LSG1: variants seen among roughly 807,000 people sequenced by gnomAD.
LSG1 encodes large subunit GTPase 1 homolog.
Under a neutral mutation model 82.6 loss-of-function variants are expected in LSG1, and 55 were observed. The observed-to-expected ratio is 0.67, with a 90% CI of 0.54 to 0.83. The LOEUF (loss-of-function observed/expected upper bound fraction) is 0.83, where lower values mean the gene tolerates loss of function less well. LSG1 is among the 40% of genes least tolerant of loss of function. The probability of loss-of-function intolerance (pLI) is 0.00; values close to 1 mark genes in which losing one functional copy is unlikely to be tolerated. For synonymous variants in LSG1, 272 were observed against 282.5 expected, an observed-to-expected ratio of 0.96 and a Z score of 0.37; for missense variants, 809 against 807.9, an observed-to-expected ratio of 1.00 and a Z score of -0.02.
chr3:194,671,984 C>G (rs998232539), intron 1 of LSG1, 80 bp downstream of exon 1: 3 of 1,360,574 alleles, frequency 2.2e-6, no homozygotes, highest in Non-Finnish European at 3.1e-6. Context: ...TCCTGCAAAA[C>G]TTATCTGACT....
rs1388888265 is a variant in LSG1 at position 194,644,380 on chromosome 3, A to T, written c.1797+193T>A. Among the ~76,000 whole-genome samples the T allele has an allele frequency of 3.8e-4, 42 of 109,112 alleles. 1 individual carries two copies. Among genetic ancestry groups the T allele is most frequent in the African/African-American group, 1.5e-3 (40 of 26,044 alleles). The allele number at this position is 109,112 out of a possible 152,430, so 71.6% of individuals were successfully genotyped here. ...CGAGACTCCGTCTCAAAAAAAAAAAATAAAAATAAATAAATAAATAAATAA... is the reference window on the plus strand; with the variant it reads ...CGAGACTCCGTCTCAAAAAAAAAAATTAAAAATAAATAAATAAATAAATAA... On this transcript the variant is annotated intron_variant, in intron 13 of 13. Coordinates refer to ENST00000265245, the MANE Select transcript of LSG1 (RefSeq NM_018385.3).
chr3:194,643,100 C>G (rs146554093), intron 13 of LSG1, among the ~76,000 whole-genome samples: 2 of 152,338 alleles, frequency 1.3e-5, no homozygotes, highest in African/African-American at 4.8e-5. Context: ...CTATAGTAGT[C>G]ACTTAAAAAC....
intron 7 of LSG1, among the ~76,000 whole-genome samples, chr3:194,657,701 G>T (rs542366963): frequency 6.6e-6 from 1 of 152,260 alleles, no homozygotes. Flanking sequence ...CACCCAGGAT[G>T]GGTGTCCCGG....
Position 194,665,657 on chromosome 3 carries a change from G to A in LSG1, c.435-14C>T, listed in dbSNP as rs1719017027. On this transcript the variant is annotated splice_polypyrimidine_tract_variant and intron_variant, in intron 4 of 13. Transcript: ENST00000265245. Reference sequence around the variant, plus strand: ...TCCTCTTCTAGCCTAGTTTTTGAATGAGAAGTTTATATATTTGCCAGATTA... The same window carrying A: ...TCCTCTTCTAGCCTAGTTTTTGAATAAGAAGTTTATATATTTGCCAGATTA... 6.5e-7 allele frequency: 1 copy of A among 1,538,968 alleles called. No individual in the cohort carries two copies. Among genetic ancestry groups the A allele is most frequent in the Non-Finnish European group, 9.0e-7 (1 of 1,116,968 alleles).
chr3:194,670,686 C>T lies in LSG1; in HGVS notation c.100-551G>A, dbSNP rs138804031. The stretch of plus-strand genomic sequence containing the variant: ...TATCTTGCTGGGGAAAAAATAAAAA[C>T]AAAACAAAACAGCTAGCTGCAGACC... On this transcript the variant is annotated intron_variant, in intron 1 of 13. Transcript: ENST00000265245. Among the ~76,000 whole-genome samples, 571 of 152,162 alleles carry T rather than the reference C, an allele frequency of 3.8e-3. 3 individuals carry two copies. Among genetic ancestry groups the T allele is most frequent in the African/African-American group, 0.013 (547 of 41,486 alleles).
chr3:194,642,985 T>A (rs1438547351), intron 13 of LSG1, among the ~76,000 whole-genome samples: 1 of 152,244 alleles, frequency 6.6e-6, no homozygotes, highest in East Asian at 1.9e-4. Context: ...CTTGGCCTGC[T>A]TCACAGGCTC....
intron 7 of LSG1, among the ~76,000 whole-genome samples, chr3:194,658,236 CT>C (rs983049619): frequency 6.6e-6 from 1 of 152,116 alleles, no homozygotes; most frequent in Non-Finnish European, 1.5e-5. Flanking sequence ...CAACCTCCGC[CT>C]CCCAGGTTCA....
chr3:194,670,805 C>T (rs1277294486), intron 1 of LSG1, among the ~76,000 whole-genome samples: 2 of 152,090 alleles, frequency 1.3e-5, no homozygotes, highest in African/African-American at 2.4e-5. Context: ...AATTGCCAGG[C>T]GTGGTGGTTT....
intron 5 of LSG1, among the ~76,000 whole-genome samples, chr3:194,662,502 C>T (rs1718953259): frequency 6.6e-6 from 1 of 152,162 alleles, no homozygotes; most frequent in African/African-American, 2.4e-5. Flanking sequence ...GTGGCTCATG[C>T]CTGTAACCCC....
rs753439837 is a variant in LSG1, at chr3:194,658,974, G to A, written c.742C>T (p.Leu248=). The change falls in exon 7 of 14, where the codon CTG becomes TTG. Residue 248 remains leucine, a synonymous_variant. Coordinates refer to ENST00000265245, the MANE Select transcript of LSG1 (RefSeq NM_018385.3). ...FWSALAGAIP[L]NGDSEEEANR... is the part of the protein sequence containing the mutation. ...CAGGTTACCTCAGAGTCACCATTCA[G>A]GGGAATGGCTCCGGCCAAAGCTGAC... The A allele has an allele frequency of 6.2e-7, 1 of 1,613,916 alleles. No individual in the cohort carries two copies. Among genetic ancestry groups the A allele is most frequent in the South Asian group, 1.1e-5 (1 of 91,036 alleles).
intron 7 of LSG1, among the ~76,000 whole-genome samples, chr3:194,656,940 T>C (rs1460235051): frequency 3.9e-5 from 6 of 151,996 alleles, no homozygotes; most frequent in Non-Finnish European, 5.9e-5. Context: ...TAGGTGGGAA[T>C]TGAACGATGA....
intron 1 of LSG1, 26 bp from the exon 2 acceptor site, chr3:194,670,161 T>A: frequency 6.2e-7 from 1 of 1,612,016 alleles, no homozygotes; most frequent in Non-Finnish European, 8.5e-7. Context: ...GGGTGATAAA[T>A]ACAGCTGCTC....
intron 2 of LSG1, among the ~76,000 whole-genome samples, chr3:194,669,623 T>G (rs62292299): frequency 6.6e-6 from 1 of 152,178 alleles, no homozygotes; most frequent in Non-Finnish European, 1.5e-5. Context: ...CATCTGTCCT[T>G]TGAACATCTA....
intron 5 of LSG1, among the ~76,000 whole-genome samples, chr3:194,661,175 T>A (rs1391260380): frequency 2.0e-5 from 3 of 152,244 alleles, no homozygotes; most frequent in African/African-American, 7.2e-5. Context: ...GTCAGCATAA[T>A]CCTCTGACAC....
rs1410168121 is a variant in LSG1, at chr3:194,651,211, G to A, written c.1179C>T (p.Gly393=). ...TTGAACTCTTACCAACATTAGGGTA[G>A]CCCACCTAGAAGAGACTCAGAAGTT... is the stretch of plus-strand genomic sequence containing the variant. ...KDGQLTVGLV[G]YPNVGKSSTI... The change falls in exon 9 of 14, where the codon GGC becomes GGT. Residue 393 remains glycine (G), a synonymous_variant. Coordinates refer to ENST00000265245, the MANE Select transcript of LSG1 (RefSeq NM_018385.3). The A allele has an allele frequency of 6.2e-7, 1 of 1,612,640 alleles. No homozygotes were observed. The highest frequency in any genetic ancestry group is 8.5e-7 in the Non-Finnish European group (1 of 1,178,728).
intron 12 of LSG1, chr3:194,645,545 C>CACAGACAG (rs1718518536): frequency 2.1e-5 from 1 of 47,462 alleles, no homozygotes; most frequent in African/African-American, 7.6e-5. Flanking sequence ...GACACACACA[C>CACAGACAG]ACACACACAC....
intron 11 of LSG1, chr3:194,646,489 C>T: frequency 2.8e-6 from 1 of 360,084 alleles, no homozygotes; most frequent in Non-Finnish European, 5.0e-6. Context: ...CGATTTCTCT[C>T]TACTCCAGTT....
rs557895391 is a variant in LSG1 at position 194,654,605 on chromosome 3, G to T, written c.760-1463C>A. On this transcript the variant is annotated intron_variant, in intron 7 of 13. Transcript: ENST00000265245. ...ATGGTAAATGAGCAGCGAAGGTAAA[G>T]AAGTCAGTGTCGTCACTGTGGGCTC... Among the ~76,000 whole-genome samples the T allele has an allele frequency of 4.6e-5, 7 of 152,310 alleles. No individual in the cohort carries two copies. In the South Asian group the frequency reaches 1.4e-3, roughly 32 times the overall value.
chr3:194,662,089 T>C lies in LSG1; in HGVS notation c.522-1956A>G, dbSNP rs1429518027. Among the ~76,000 whole-genome samples the C allele has an allele frequency of 2.0e-5, 3 of 152,222 alleles. 1 individual carries two copies. Among genetic ancestry groups the C allele is most frequent in the South Asian group, 2.1e-4 (1 of 4,828 alleles). ...CAAGAAGCAAACCTGTTCATGCCCC[T>C]GACGCCCAAGAAAGCCCAGTATTAG... On this transcript the variant is annotated intron_variant, in intron 5 of 13. Coordinates refer to ENST00000265245, the MANE Select transcript of LSG1 (RefSeq NM_018385.3).
Sources: allele counts gnomAD v4.1 joint callset (sites outside exome capture counted in the v4.1 genomes callset), GRCh38; gene constraint gnomAD v4.1.1; transcripts MANE v1.5; gene names NCBI Gene and HGNC (gene_info 2026-07-23, HGNC 2026-07-21).